RTN4: variants seen among roughly 807,000 people sequenced by gnomAD.
The protein encoded by RTN4 is reticulon-4.
Under a neutral mutation model 90.4 loss-of-function variants are expected in RTN4, and 32 were observed. That is an observed-to-expected ratio of 0.35 (90% confidence interval 0.27 to 0.48). The LOEUF (loss-of-function observed/expected upper bound fraction) is 0.48. RTN4 is among the 20% of genes least tolerant of loss of function. The pLI, the probability that RTN4 is intolerant of heterozygous loss-of-function variation, is 0.99. For synonymous variants in RTN4, 629 were observed against 552.5 expected, an observed-to-expected ratio of 1.14 and a Z score of -1.94; for missense variants, 1,706 against 1,430.2, an observed-to-expected ratio of 1.19 and a Z score of -3.11.
intron 3 of RTN4, among the ~76,000 whole-genome samples, chr2:55,023,369 AC>A (rs1681591844): frequency 6.6e-6 from 1 of 152,112 alleles, no homozygotes. Context: ...GATCTCTTCC[AC>A]CCAAGCATGA....
chr2:54,983,830 A>C (rs1188394658), intron 4 of RTN4, among the ~76,000 whole-genome samples: 1 of 152,214 alleles, frequency 6.6e-6, no homozygotes, highest in East Asian at 1.9e-4. Context: ...ACAACATTGC[A>C]AAAGGCATTT....
intron 2 of RTN4, among the ~76,000 whole-genome samples, chr2:55,077,346 C>G (rs1238300289): frequency 3.9e-5 from 6 of 152,212 alleles, no homozygotes; most frequent in African/African-American, 1.4e-4. Flanking sequence ...TGAGAACGGA[C>G]TAATATACTA....
chr2:55,039,800 T>C (rs1418249764), intron 1 of RTN4, among the ~76,000 whole-genome samples: 1 of 152,176 alleles, frequency 6.6e-6, no homozygotes, highest in East Asian at 1.9e-4. Context: ...AATGGAAATG[T>C]GAACATTAGC....
the RTN4 span, among the ~76,000 whole-genome samples, chr2:55,121,674 T>C: frequency 6.6e-6 from 1 of 152,204 alleles, no homozygotes; most frequent in East Asian, 1.9e-4. Flanking sequence ...ATTCTTACTC[T>C]TCCTCTGATG....
intron 4 of RTN4, among the ~76,000 whole-genome samples, chr2:54,986,590 C>A (rs1254994222): frequency 6.6e-6 from 1 of 152,100 alleles, no homozygotes; most frequent in Non-Finnish European, 1.5e-5. Context: ...TAGTGATTTT[C>A]TTTATATGAG....
the RTN4 span, among the ~76,000 whole-genome samples, chr2:55,130,789 A>G: frequency 6.6e-6 from 1 of 152,200 alleles, no homozygotes; most frequent in Admixed American, 6.5e-5. Context: ...CAGAGCTATC[A>G]AGTAACACAG....
intron 2 of RTN4, among the ~76,000 whole-genome samples, chr2:55,060,375 T>C (rs1219538455): frequency 6.6e-6 from 1 of 152,218 alleles, no homozygotes; most frequent in Non-Finnish European, 1.5e-5. Context: ...TTATAGCATA[T>C]AGTTGTCATA....
chr2:55,002,322 G>A (rs986707787), intron 3 of RTN4, among the ~76,000 whole-genome samples: 30 of 152,180 alleles, frequency 2.0e-4, no homozygotes, highest in African/African-American at 7.2e-4. Flanking sequence ...GCCTCCCAAA[G>A]TGCTAGGATT....
At chr2:55,103,261 C>A (rs2105058443) in intron 1 of RTN4, among the ~76,000 whole-genome samples, 1 of 151,882 alleles carries the variant, frequency 6.6e-6, no homozygotes, top group African/African-American at 2.4e-5. Flanking sequence ...ACATGTGGAA[C>A]CTAAAAAAGT....
chr2:55,049,542 G>T, intron 1 of RTN4: 2 of 822,328 alleles, frequency 2.4e-6, no homozygotes, highest in Non-Finnish European at 4.0e-6. Flanking sequence ...AACCAAGACG[G>T]ACAATAAGAA....
At chr2:55,060,780 C>T (rs949522140) in intron 2 of RTN4, 1 of 152,182 alleles carries the variant, frequency 6.6e-6, no homozygotes, top group African/African-American at 2.4e-5. Context: ...AATTAGCTAG[C>T]ATGGTGGCAC....
chr2:54,992,799 G>A (rs1419369190), intron 3 of RTN4, among the ~76,000 whole-genome samples: 6 of 152,114 alleles, frequency 3.9e-5, no homozygotes, highest in African/African-American at 1.4e-4. Context: ...GCCGGGCGTG[G>A]TGGCTCACGC....
intron 3 of RTN4, among the ~76,000 whole-genome samples, chr2:54,995,945 G>A (rs1336620742): frequency 6.6e-6 from 1 of 152,096 alleles, no homozygotes; most frequent in Non-Finnish European, 1.5e-5. Context: ...TGATATGAGG[G>A]TCTGTTGTAT....
chr2:55,096,303 G>T (rs1253228834), intron 1 of RTN4, among the ~76,000 whole-genome samples: 1 of 151,406 alleles, frequency 6.6e-6, no homozygotes, highest in Non-Finnish European at 1.5e-5. Context: ...TCCAGCCTGG[G>T]CAACAAGAGC....
chr2:55,013,246 C>G (rs1680776484), intron 3 of RTN4, among the ~76,000 whole-genome samples: 1 of 152,052 alleles, frequency 6.6e-6, no homozygotes, highest in Non-Finnish European at 1.5e-5. Flanking sequence ...TCAAAATCAG[C>G]TTTATACAGA....
intron 2 of RTN4, among the ~76,000 whole-genome samples, chr2:55,059,620 G>A (rs1337192228): frequency 1.3e-5 from 2 of 152,030 alleles, no homozygotes; most frequent in African/African-American, 2.4e-5. Context: ...TATCGCTTGA[G>A]GTCAGGAGTT....
In RTN4 at chr2:55,050,172, C is replaced by A; in HGVS notation, c.129G>T (p.Glu43Asp). ...GCTCCTCCAGGTCTTCGTCCTCGTC[C>A]TCCTCTTCCTCCTCCTCTTCTTCCT... ...DEEEEEEEEE[E>D]DEDEDLEELE... The change falls in exon 1 of 9, where the codon GAG becomes GAT. Residue 43 changes from glutamate to aspartate, a missense_variant. By Grantham distance (45) the Glu-to-Asp change is conservative (BLOSUM62 2). Transcript: ENST00000337526. The surrounding 1 kb of genome is among the most constrained non-coding windows in gnomAD (Gnocchi z 4.6). 1.3e-6 allele frequency: 2 copies of A among 1,567,590 alleles called. No homozygotes were observed. Among genetic ancestry groups the A allele is most frequent in the Non-Finnish European group, 8.6e-7 (1 of 1,163,196 alleles).
intron 1 of RTN4, among the ~76,000 whole-genome samples, chr2:55,038,122 C>A (rs975616828): frequency 6.6e-5 from 10 of 151,928 alleles, no homozygotes; most frequent in Non-Finnish European, 1.0e-4. Flanking sequence ...TAACTCATAC[C>A]ATAGACAAAA....
intron 3 of RTN4, among the ~76,000 whole-genome samples, chr2:55,004,772 G>C (rs1680087723): frequency 1.3e-5 from 2 of 152,102 alleles, no homozygotes; most frequent in South Asian, 4.2e-4. Context: ...AAAATTTGGA[G>C]GCTGGAAAAA....
Sources: gnomAD v4.1 joint callset for allele counts (sites outside exome capture counted in the v4.1 genomes callset) on GRCh38, gnomAD v4.1.1 for gene constraint, Gnocchi (gnomAD v3.1) non-coding constraint, MANE v1.5 for transcripts, NCBI Gene and HGNC (gene_info 2026-07-23, HGNC 2026-07-21) for gene names.